Variants in STK31 observed in about 807,000 individuals in gnomAD.
The protein encoded by STK31 is serine/threonine-protein kinase 31.
Under a neutral mutation model 129.7 loss-of-function variants are expected in STK31, and 89 were observed. The ratio of observed to expected loss-of-function variants is 0.69; its 90% CI spans 0.58 to 0.82. STK31 has a LOEUF of 0.82. STK31 is among the 40% of genes least tolerant of loss of function. The pLI is 0.00. For synonymous variants in STK31, 448 were observed against 395.3 expected (o/e 1.13, Z -1.58); for missense variants, 1,187 against 1,176.4 (o/e 1.01, Z -0.13).
intron 8 of STK31, among the ~76,000 whole-genome samples, chr7:23,750,067 T>TCTCCCCCCCC (rs1788612132): frequency 2.2e-5 from 2 of 90,552 alleles, no homozygotes; most frequent in Non-Finnish European, 4.7e-5. Flanking sequence ...ATGGTTTGTT[T>TCTCCCCCCCC]CCCCCCCCGC....
At chr7:23,717,436 A>G (rs1383688216) in intron 3 of STK31, 45 bp from the exon 4 acceptor site, 1 of 1,400,912 alleles carries the variant, frequency 7.1e-7, no homozygotes, top group African/African-American at 1.4e-5. Context: ...GTAACACTGT[A>G]AAATAATATT....
rs190185087 is a variant in STK31, at chr7:23,828,471, G to A, written c.2830-3665G>A. 5.5e-3 allele frequency among the ~76,000 whole-genome samples: 844 copies of A among 152,220 alleles called. 3 individuals are homozygous for A. The highest frequency in any genetic ancestry group is 0.01 in the South Asian group (49 of 4,820). On this transcript the variant is annotated intron_variant, in intron 23 of 23. Transcript: ENST00000355870. ...CGCAGTATTAGGGTGGGAGTGACCCGATTTTCCAGGTGCCATCTGTCGCCC... is the reference window on the plus strand; with the variant it reads ...CGCAGTATTAGGGTGGGAGTGACCCAATTTTCCAGGTGCCATCTGTCGCCC...
At chr7:23,764,963 T>TAAAAG (rs1554290302) in intron 11 of STK31, among the ~76,000 whole-genome samples, 1 of 151,780 alleles carries the variant, frequency 6.6e-6, no homozygotes, top group Admixed American at 6.6e-5. Flanking sequence ...TTTTAAAAAA[T>TAAAAG]AAAAATTTTT....
At chr7:23,738,965 G>C (rs1246927128) in intron 8 of STK31, among the ~76,000 whole-genome samples, 1 of 152,192 alleles carries the variant, frequency 6.6e-6, no homozygotes, top group Non-Finnish European at 1.5e-5. Context: ...ATAGTAGAAT[G>C]ATTTATAATC....
At chr7:23,738,167 C>T (rs187339560) in intron 8 of STK31, among the ~76,000 whole-genome samples, 7 of 152,254 alleles carry the variant, frequency 4.6e-5, no homozygotes, top group Non-Finnish European at 1.0e-4. Flanking sequence ...ACTAGAACTA[C>T]TCACAGAACT....
chr7:23,756,158 C>G (rs1450996782), intron 10 of STK31, among the ~76,000 whole-genome samples: 2 of 152,032 alleles, frequency 1.3e-5, no homozygotes, highest in Non-Finnish European at 2.9e-5. Context: ...TGTTTGTGTC[C>G]TCTCTTATTT....
intron 23 of STK31, among the ~76,000 whole-genome samples, chr7:23,830,363 T>C (rs1794467583): frequency 6.6e-6 from 1 of 152,140 alleles, no homozygotes; most frequent in African/African-American, 2.4e-5. Flanking sequence ...TCTTACTCCT[T>C]TTTTGATAGA....
At chr7:23,729,357 T>C (rs1350435498) in intron 6 of STK31, 108 bp downstream of exon 6, 2 of 976,364 alleles carry the variant, frequency 2.0e-6, no homozygotes, top group African/African-American at 3.3e-5. Flanking sequence ...CTGTATAAAT[T>C]AGTGAAAAAT....
intron 23 of STK31, among the ~76,000 whole-genome samples, chr7:23,828,888 CTTTCTTTTTTTTTGTT>C (rs1284378835): frequency 1.3e-5 from 2 of 151,664 alleles, no homozygotes; most frequent in South Asian, 2.1e-4. Context: ...TTTTCTTTTT[CTTTCTTTTTTTTTGTT>C]TTTCTTTTTT....
Position 23,762,942 on chromosome 7 carries a change from T to A in STK31, c.1416+19T>A. On this transcript the variant is annotated intron_variant, in intron 11 of 23. Coordinates refer to ENST00000355870, the MANE Select transcript of STK31 (RefSeq NM_031414.5). The stretch of plus-strand genomic sequence containing the variant: ...ATTGCAGGTTGGAATTAAAAATATA[T>A]TAAATATACGTTAAATTGTAAGTTT... 1.3e-6 allele frequency: 2 copies of A among 1,525,452 alleles called. No individual in the cohort carries two copies. Among genetic ancestry groups the A allele is most frequent in the Non-Finnish European group, 1.8e-6 (2 of 1,136,032 alleles). 94.5% of individuals were successfully genotyped at this position (1,525,452 alleles called of 1,614,324 possible). A position where few individuals can be genotyped will look rare whatever the true frequency, so the allele number is the denominator to read the frequency against.
intron 6 of STK31, among the ~76,000 whole-genome samples, chr7:23,734,029 G>C (rs1787581178): frequency 6.6e-6 from 1 of 152,044 alleles, no homozygotes; most frequent in Non-Finnish European, 1.5e-5. Context: ...TCTTAAAAAT[G>C]TTATTTAGTT....
At chr7:23,810,940 T>TATACACAC (rs1554297571) in intron 22 of STK31, among the ~76,000 whole-genome samples, 1 of 140,344 alleles carries the variant, frequency 7.1e-6, no homozygotes, top group Non-Finnish European at 1.5e-5. Context: ...TGTGTGTATA[T>TATACACAC]ACACACACAC....
At chr7:23,772,969 A>G (rs1251312029) in intron 15 of STK31, among the ~76,000 whole-genome samples, 1 of 152,134 alleles carries the variant, frequency 6.6e-6, no homozygotes, top group Non-Finnish European at 1.5e-5. Context: ...ATCATAGTTG[A>G]AGAACTTTCT....
At chr7:23,768,032 AT>A (rs1018860043) in intron 11 of STK31, among the ~76,000 whole-genome samples, 163 of 148,206 alleles carry the variant, frequency 1.1e-3, no homozygotes, top group African/African-American at 3.5e-3. Flanking sequence ...TGTTACTGTT[AT>A]TTTTTTTTTG....
At chr7:23,823,135 T>C (rs1793894431) in intron 23 of STK31, among the ~76,000 whole-genome samples, 2 of 152,230 alleles carry the variant, frequency 1.3e-5, no homozygotes, top group Admixed American at 6.5e-5. Context: ...CTGGGTCAAA[T>C]GGTATTTCTA....
chr7:23,762,613 T>C (rs1213398815), intron 10 of STK31, among the ~76,000 whole-genome samples, 188 bp from the exon 11 acceptor site: 2 of 152,192 alleles, frequency 1.3e-5, no homozygotes, highest in Non-Finnish European at 2.9e-5. Flanking sequence ...TGAACTTAAA[T>C]GTTTTATTTT....
At chr7:23,813,169 T>C (rs1793259025) in intron 22 of STK31, among the ~76,000 whole-genome samples, 2 of 151,396 alleles carry the variant, frequency 1.3e-5, no homozygotes, top group Non-Finnish European at 2.9e-5. Context: ...TTTTGTCTTC[T>C]GTCATTTCTG....
intron 10 of STK31, chr7:23,754,991 C>T (rs10241235): frequency 0.98 from 149,958 of 152,376 alleles, 73,853 homozygotes; most frequent in South Asian, 1. Context: ...GTAGAATGAT[C>T]TATATTCCTT....
chr7:23,807,489 G>A (rs1219894105), intron 22 of STK31, among the ~76,000 whole-genome samples: 1 of 151,918 alleles, frequency 6.6e-6, no homozygotes, highest in African/African-American at 2.4e-5. Flanking sequence ...GTTTTCTTTA[G>A]TTTTAAGTTT....
Sources: gnomAD v4.1 joint callset for allele counts (sites outside exome capture counted in the v4.1 genomes callset) on GRCh38, gnomAD v4.1.1 for gene constraint, MANE v1.5 for transcripts, NCBI Gene and HGNC (gene_info 2026-07-23, HGNC 2026-07-21) for gene names.